Variants in GOT1L1 observed in about 807,000 individuals in gnomAD.
The protein encoded by GOT1L1 is glutamic-oxaloacetic transaminase 1 like 1.
A neutral mutation model predicts 43.6 loss-of-function variants in GOT1L1; 38 were observed. That is an observed-to-expected ratio of 0.87 (90% CI 0.67 to 1.14). GOT1L1 has a LOEUF of 1.14. Among genes scored for constraint, GOT1L1 ranks in the 50% most tolerant of loss-of-function variants. GOT1L1 has a pLI of 0.00. For synonymous variants in GOT1L1, 183 were observed against 187.2 expected, an observed-to-expected ratio of 0.98 and a Z score of 0.18; for missense variants, 482 against 504.0, an observed-to-expected ratio of 0.96 and a Z score of 0.42.
intron 2 of GOT1L1, among the ~76,000 whole-genome samples, chr8:37,938,173 A>G (rs964650575): frequency 2.0e-5 from 3 of 152,188 alleles, no homozygotes; most frequent in African/African-American, 7.2e-5. Flanking sequence ...CGAGGCAGGG[A>G]ATCCCCTGAG....
intron 2 of GOT1L1, among the ~76,000 whole-genome samples, chr8:37,938,363 C>A (rs368773680): frequency 2.6e-5 from 4 of 152,294 alleles, no homozygotes; most frequent in African/African-American, 4.8e-5. Context: ...CACCACTGCA[C>A]TCTAGCCTGG....
Position 37,935,221 on chromosome 8 carries a change from A to G in GOT1L1, c.930-6T>C. On this transcript the variant is annotated splice_polypyrimidine_tract_variant and splice_region_variant and intron_variant, in intron 7 of 8. Coordinates refer to ENST00000307599, the MANE Select transcript of GOT1L1 (RefSeq NM_152413.3). Reference sequence around the variant, plus strand: ...CTTCTTTTAGACTCTGCTTCCTACCAAGGAAGGACAATGAGAAAGGAGGGT... The same window carrying G: ...CTTCTTTTAGACTCTGCTTCCTACCGAGGAAGGACAATGAGAAAGGAGGGT... The G allele has an allele frequency of 1.3e-6, 2 of 1,583,024 alleles. No homozygotes were observed. Among genetic ancestry groups the G allele is most frequent in the Non-Finnish European group, 1.7e-6 (2 of 1,163,810 alleles).
Position 37,935,144 on chromosome 8 carries a change from A to G in GOT1L1, c.1001T>C (p.Leu334Pro), listed in dbSNP as rs1000630662. The change falls in exon 8 of 9, where the codon CTC becomes CCC. Residue 334 changes from leucine to proline, a missense_variant. Leu to Pro is a moderately conservative substitution (Grantham distance 98). Coordinates refer to ENST00000307599, the MANE Select transcript of GOT1L1 (RefSeq NM_152413.3). ...ACCCCAGGACCCAGGGGTTCCCAGG[A>G]GCTGGAGTTTCTCCTTCACTTTTTC... ...TKEKVKEKLQLLGTPGSWGHI... is the reference protein window; with the variant it reads ...TKEKVKEKLQPLGTPGSWGHI... 1 of 1,612,940 alleles carries G rather than the reference A, an allele frequency of 6.2e-7. No individual in the cohort carries two copies. The highest frequency in any genetic ancestry group is 1.3e-5 in the African/African-American group (1 of 74,852).
At chr8:37,938,980 T>C (rs543050699) in intron 1 of GOT1L1, 99 bp from the exon 2 acceptor site, 1 of 1,033,654 alleles carries the variant, frequency 9.7e-7, no homozygotes, top group East Asian at 2.6e-5. Context: ...CTGGACTCCA[T>C]GGGGCTGTGG....
chr8:37,935,622 C>T (rs983037501), intron 7 of GOT1L1, 82 bp downstream of exon 7: 1 of 1,285,830 alleles, frequency 7.8e-7, no homozygotes. Context: ...GAGAGAAGCA[C>T]CCTGCCGAAT....
rs764957626 is a variant in GOT1L1 at position 37,937,278 on chromosome 8, TCCA to T, written c.515_517del (p.Val172del). On this transcript the variant is annotated inframe_deletion and splice_region_variant, in exon 4 of 9. Transcript: ENST00000307599. The stretch of plus-strand genomic sequence containing the variant: ...AGTTTCTGAGCGGGGCCCCTCTACC[TCCA>T]CCACATTGAGGAGTATGTCGGGGTC... 2.3e-5 allele frequency: 37 copies of T among 1,585,416 alleles called. 2 individuals are homozygous for T. The South Asian group carries it at 4.1e-4, about 17-fold the overall frequency.
At chr8:37,939,431 A>AAAAATATAT (rs1237987679) in intron 1 of GOT1L1, among the ~76,000 whole-genome samples, 29 of 41,696 alleles carry the variant, frequency 7.0e-4, no homozygotes, top group Non-Finnish European at 1.1e-3. Flanking sequence ...AAAAAAAAAA[A>AAAAATATAT]ATATATATAT....
chr8:37,938,875 A>G lies in GOT1L1; in HGVS notation c.122T>C (p.Met41Thr), dbSNP rs750603810. 28 of 1,613,400 alleles carry G rather than the reference A, an allele frequency of 1.7e-5. No homozygotes were observed. The highest frequency in any genetic ancestry group is 2.1e-5 in the Non-Finnish European group (25 of 1,179,616). The change falls in exon 2 of 9, where the codon ATG becomes ACG. Residue 41 changes from methionine (M) to threonine (T), a missense_variant. Met to Thr is a moderately conservative substitution (Grantham distance 81). Transcript: ENST00000307599. Reference protein sequence around the residue: ...NKIFLAYRVCMTNEGHPWVSL... With the variant: ...NKIFLAYRVCTTNEGHPWVSL... ...AACCCAGGGATGGCCTTCATTTGTC[A>G]TGCAGACTGTGAGGAAAACCACAGA...
rs1216590939 is a variant in GOT1L1, at chr8:37,937,402, C to A, written c.410-16G>T. The A allele has an allele frequency of 2.0e-6, 3 of 1,499,438 alleles. No individual in the cohort carries two copies. Among genetic ancestry groups the A allele is most frequent in the Non-Finnish European group, 2.7e-6 (3 of 1,096,290 alleles). The allele number at this position is 1,499,438 out of a possible 1,614,324, so 92.9% of individuals were successfully genotyped here. ...CCATGCAGTTCTGTGGGAACACAGC[C>A]CCCCACTAGCTGGTACATGGGAAAC... On this transcript the variant is annotated splice_polypyrimidine_tract_variant and intron_variant, in intron 3 of 8. Transcript: ENST00000307599.
At chr8:37,937,923 C>T (rs958115652) in intron 2 of GOT1L1, among the ~76,000 whole-genome samples, 174 bp from the exon 3 acceptor site, 6 of 152,116 alleles carry the variant, frequency 3.9e-5, no homozygotes, top group African/African-American at 1.4e-4. Flanking sequence ...CATGTGTAAT[C>T]CCCGCTACTC....
rs370818444 is a variant in GOT1L1 at position 37,937,731 on chromosome 8, C to T, written c.316G>A (p.Val106Ile). ...VENRVGGVHT[V>I]GDSGAFQLGV... ...AGCTGGAAGGCACCACTGTCACCAA[C>T]AGTGTGTACACCCCCTACCTGCCAG... The change falls in exon 3 of 9, where the codon GTT becomes ATT. Residue 106 changes from valine to isoleucine, a missense_variant. Transcript: ENST00000307599. The T allele has an allele frequency of 5.0e-6, 8 of 1,612,256 alleles. No individual in the cohort carries two copies. In the African/African-American group the frequency reaches 1.1e-4, roughly 22 times the overall value.
intron 2 of GOT1L1, 94 bp downstream of exon 2, chr8:37,938,606 G>T: frequency 9.1e-7 from 1 of 1,097,602 alleles, no homozygotes; most frequent in Non-Finnish European, 1.3e-6. Flanking sequence ...AATACCAGGG[G>T]GCCCTCCGAG....
intron 4 of GOT1L1, 55 bp downstream of exon 4, chr8:37,937,222 A>G (rs1807784432): frequency 7.8e-7 from 1 of 1,279,540 alleles, no homozygotes; most frequent in Middle Eastern, 2.1e-4. Context: ...GGAGGAGAGG[A>G]ACATTAGGCT....
chr8:37,938,656 A>C, intron 2 of GOT1L1, 44 bp downstream of exon 2: 1 of 1,507,960 alleles, frequency 6.6e-7, no homozygotes, highest in Non-Finnish European at 8.9e-7. Flanking sequence ...CCAGATCGCC[A>C]CTCTCTGTGT....
Position 37,937,700 on chromosome 8 carries a change from A to T in GOT1L1, c.347T>A (p.Val116Asp). 1 of 1,613,310 alleles carries T rather than the reference A, an allele frequency of 6.2e-7. No homozygotes were observed. The highest frequency in any genetic ancestry group is 8.5e-7 in the Non-Finnish European group (1 of 1,179,652). The stretch of plus-strand genomic sequence containing the variant: ...CTTATGCCAAGCTCTGAGAAACTGG[A>T]CGCCAAGCTGGAAGGCACCACTGTC... ...VGDSGAFQLG[V>D]QFLRAWHKDA... is the part of the protein sequence containing the mutation. Residue 116 changes from valine to aspartate, a missense_variant, in exon 3 of 9, where the codon GTC becomes GAC. Physicochemically the swap from Val to Asp is radical, Grantham distance 152 (BLOSUM62 -3). Coordinates refer to ENST00000307599, the MANE Select transcript of GOT1L1 (RefSeq NM_152413.3).
chr8:37,937,623 T>G lies in GOT1L1; in HGVS notation c.409+15A>C. On this transcript the variant is annotated intron_variant, in intron 3 of 8. Transcript: ENST00000307599. The stretch of plus-strand genomic sequence containing the variant: ...GACGGGGATTGCTGTTCCCCTCATC[T>G]TGGGTAAGACTAACCTTTTTGAGAA... The G allele has an allele frequency of 6.4e-7, 1 of 1,552,056 alleles. No homozygotes were observed. The highest frequency in any genetic ancestry group is 8.8e-7 in the Non-Finnish European group (1 of 1,131,464).
intron 4 of GOT1L1, 59 bp from the exon 5 acceptor site, chr8:37,937,116 GCA>G: frequency 1.3e-6 from 2 of 1,505,912 alleles, no homozygotes; most frequent in East Asian, 4.5e-5. Flanking sequence ...CGGCCCCAGG[GCA>G]TTTGGGGGTG....
intron 4 of GOT1L1, 95 bp from the exon 5 acceptor site, chr8:37,937,152 C>T (rs891963694): frequency 7.6e-7 from 1 of 1,324,398 alleles, no homozygotes; most frequent in East Asian, 2.3e-5. Context: ...TGTTAGTTAC[C>T]ATTGAAGGGC....
At position 37,939,428 on chromosome 8, in the gene GOT1L1, AAAAATATATATATAT is replaced by A. The variant is rs1288905704; in HGVS notation, c.115+472_115+486del. On this transcript the variant is annotated intron_variant, in intron 1 of 8. Transcript: ENST00000307599. ...GGCCCTGTCTCAAGAAAAAAAAAAA[AAAAATATATATATAT>A]ATATATATATATATATATATATATA... Among the ~76,000 whole-genome samples, 10 of 55,260 alleles carry A rather than the reference AAAAATATATATATAT, an allele frequency of 1.8e-4. 1 individual carries two copies. Among genetic ancestry groups the A allele is most frequent in the African/African-American group, 5.9e-4 (7 of 11,876 alleles). 36.3% of individuals were successfully genotyped at this position (55,260 alleles called of 152,430 possible).
Sources: allele counts gnomAD v4.1 joint callset (sites outside exome capture counted in the v4.1 genomes callset), GRCh38; gene constraint gnomAD v4.1.1; transcripts MANE v1.5; gene names NCBI Gene and HGNC (gene_info 2026-07-23, HGNC 2026-07-21).